Variants in RCOR3 observed in about 807,000 individuals in gnomAD.
The protein encoded by RCOR3 is REST corepressor 3.
In RCOR3, 13 loss-of-function variants were observed where a neutral mutation model predicts 64.1. The observed-to-expected ratio is 0.20, with a 90% CI of 0.13 to 0.32. The LOEUF (loss-of-function observed/expected upper bound fraction) is 0.32, where lower values mean the gene tolerates loss of function less well. Among genes scored for constraint, RCOR3 ranks in the 10% least tolerant of loss-of-function variants. The pLI, the probability that RCOR3 is intolerant of heterozygous loss-of-function variation, is 1.00. For missense variants in RCOR3, 489 were observed against 701.2 expected (o/e 0.70, Z 3.42); for synonymous variants, 215 against 239.0 (o/e 0.90, Z 0.93).
rs1424436445 is a variant in RCOR3 at position 211,312,499 on chromosome 1, A to G, written c.1076-221A>G. The G allele has an allele frequency of 3.1e-6, 2 of 645,550 alleles. No homozygotes were observed. Among genetic ancestry groups the G allele is most frequent in the Admixed American group, 2.1e-5 (1 of 47,418 alleles). 40.0% of individuals were successfully genotyped at this position (645,550 alleles called of 1,614,324 possible). On this transcript the variant is annotated intron_variant, in intron 10 of 11. Coordinates refer to ENST00000419091, the MANE Select transcript of RCOR3 (RefSeq NM_001136223.3). This position sits in a 1 kb window ranked among gnomAD's most constrained non-coding sequence, Gnocchi z 5.0. Reference sequence around the variant, plus strand: ...GTATGTAAAAAATGGTAAGTTTCTGATTGTTCAGTTGAAGGCAAGTGGCTG... The same window carrying G: ...GTATGTAAAAAATGGTAAGTTTCTGGTTGTTCAGTTGAAGGCAAGTGGCTG...
At chr1:211,280,217 A>G (rs1488507079) in intron 7 of RCOR3, among the ~76,000 whole-genome samples, 1 of 152,108 alleles carries the variant, frequency 6.6e-6, no homozygotes, top group African/African-American at 2.4e-5. Flanking sequence ...CACCCCTAAA[A>G]ACACTTGGCA....
intron 2 of RCOR3, chr1:211,267,810 C>T (rs1392251679): frequency 2.9e-6 from 1 of 348,958 alleles, no homozygotes; most frequent in Non-Finnish European, 5.6e-6. Context: ...CCAGGCTGGT[C>T]TCAAACTCCG....
At chr1:211,301,764 T>C (rs1364785697) in intron 9 of RCOR3, 1 of 152,214 alleles carries the variant, frequency 6.6e-6, no homozygotes, top group Non-Finnish European at 1.5e-5. Context: ...TAAAGTTATT[T>C]GTATTCATTC....
intron 4 of RCOR3, 40 bp from the exon 5 acceptor site, chr1:211,276,216 TA>T: frequency 6.3e-7 from 1 of 1,581,716 alleles, no homozygotes; most frequent in Non-Finnish European, 8.6e-7. Context: ...TGATGGAACA[TA>T]AGTCCATTAA....
At chr1:211,283,769 A>G (rs1254094108) in intron 7 of RCOR3, among the ~76,000 whole-genome samples, 1 of 150,772 alleles carries the variant, frequency 6.6e-6, no homozygotes. Flanking sequence ...TCATGCTCCC[A>G]AGTAGCTGGG....
intron 7 of RCOR3, among the ~76,000 whole-genome samples, chr1:211,282,303 A>G (rs1035923871): frequency 1.3e-5 from 2 of 152,226 alleles, no homozygotes; most frequent in African/African-American, 4.8e-5. Context: ...GATACCAGGC[A>G]GGGAAAGAAA....
At chr1:211,300,356 C>G (rs1023271826) in intron 9 of RCOR3, among the ~76,000 whole-genome samples, 4 of 152,154 alleles carry the variant, frequency 2.6e-5, no homozygotes, top group Non-Finnish European at 4.4e-5. Context: ...AGGTGTGAGC[C>G]ACCACGTTCA....
At chr1:211,271,147 G>A (rs574430204) in intron 2 of RCOR3, 85 bp from the exon 3 acceptor site, 31 of 1,225,618 alleles carry the variant, frequency 2.5e-5, no homozygotes, top group African/African-American at 2.4e-4. Flanking sequence ...ATGAGCCACC[G>A]TGCCTGGGCA....
At chr1:211,305,560 A>G (rs1700771174) in intron 10 of RCOR3, among the ~76,000 whole-genome samples, 1 of 152,136 alleles carries the variant, frequency 6.6e-6, no homozygotes, top group Non-Finnish European at 1.5e-5. Flanking sequence ...TAAAAACTGA[A>G]CCCTGATTTC....
At chr1:211,294,770 T>C (rs1384267116) in intron 8 of RCOR3, among the ~76,000 whole-genome samples, 1 of 152,066 alleles carries the variant, frequency 6.6e-6, no homozygotes, top group East Asian at 1.9e-4. Flanking sequence ...TTTGTATTTT[T>C]AGTAGAGACG....
chr1:211,278,865 A>G (rs1697374768), intron 6 of RCOR3, among the ~76,000 whole-genome samples: 1 of 152,148 alleles, frequency 6.6e-6, no homozygotes, highest in Non-Finnish European at 1.5e-5. Flanking sequence ...TATATATTAC[A>G]GTTTGATAAG....
chr1:211,304,000 T>A lies in RCOR3; in HGVS notation c.1018-83T>A. On this transcript the variant is annotated intron_variant, in intron 9 of 11. Transcript: ENST00000419091. ...GTTGTAGTAATCTCATGTCTGTGATTTGATGAAAATTTAAAAAAATAAGCG... is the reference window on the plus strand; with the variant it reads ...GTTGTAGTAATCTCATGTCTGTGATATGATGAAAATTTAAAAAAATAAGCG... 4 of 819,496 alleles carry A rather than the reference T, an allele frequency of 4.9e-6. No homozygotes were observed. In the South Asian group the frequency reaches 7.3e-5, roughly 15 times the overall value. The allele number at this position is 819,496 out of a possible 1,614,324, so 50.8% of individuals were successfully genotyped here.
chr1:211,259,565 C>A lies in RCOR3; in HGVS notation c.5C>A (p.Pro2His). 6.5e-7 allele frequency: 1 copy of A among 1,548,006 alleles called. No homozygotes were observed. The highest frequency in any genetic ancestry group is 1.2e-5 in the South Asian group (1 of 84,008). M[P>H]GMMEKGPELL... ...TTCCCCCTCCCCTGTTCTACCATGCCCGGCATGATGGAGAAAGGGCCCGAG... is the reference window on the plus strand; with the variant it reads ...TTCCCCCTCCCCTGTTCTACCATGCACGGCATGATGGAGAAAGGGCCCGAG... Residue 2 changes from proline to histidine, a missense_variant, in exon 1 of 12, where the codon CCC becomes CAC. Coordinates refer to ENST00000419091, the MANE Select transcript of RCOR3 (RefSeq NM_001136223.3).
At chr1:211,287,799 T>C (rs2102561257) in intron 7 of RCOR3, among the ~76,000 whole-genome samples, 1 of 152,194 alleles carries the variant, frequency 6.6e-6, no homozygotes, top group African/African-American at 2.4e-5. Flanking sequence ...GAGAATTGCT[T>C]GAGCCCAGGT....
chr1:211,279,608 T>C (rs142335652), intron 7 of RCOR3, among the ~76,000 whole-genome samples: 73 of 152,348 alleles, frequency 4.8e-4, no homozygotes, highest in African/African-American at 1.7e-3. Flanking sequence ...CCCAATGCCA[T>C]GGGCCATTCA....
At chr1:211,262,733 GT>G (rs1694534378) in intron 2 of RCOR3, among the ~76,000 whole-genome samples, 1 of 150,624 alleles carries the variant, frequency 6.6e-6, no homozygotes, top group Non-Finnish European at 1.5e-5. Flanking sequence ...CATCTTTTTT[GT>G]TTCAGGATAA....
chr1:211,308,688 T>TG (rs1558111686), intron 10 of RCOR3, among the ~76,000 whole-genome samples: 15 of 63,054 alleles, frequency 2.4e-4, no homozygotes, highest in African/African-American at 8.2e-4. Flanking sequence ...TTTTTTGTTT[T>TG]TTTTTTTTTT....
In RCOR3 at chr1:211,312,418, T is replaced by C. The variant is rs1236195664; in HGVS notation, c.1076-302T>C. The C allele has an allele frequency of 1.9e-6, 1 of 516,350 alleles. No homozygotes were observed. Among genetic ancestry groups the C allele is most frequent in the Non-Finnish European group, 3.8e-6 (1 of 266,334 alleles). 32.0% of individuals were successfully genotyped at this position (516,350 alleles called of 1,614,324 possible). The stretch of plus-strand genomic sequence containing the variant: ...AGGATGGAACAAAGAATTCAATGCT[T>C]TACAATAAATGGACTGTATTTGAGA... On this transcript the variant is annotated intron_variant, in intron 10 of 11. Transcript: ENST00000419091. This position sits in a 1 kb window ranked among gnomAD's most constrained non-coding sequence, Gnocchi z 5.0.
intron 2 of RCOR3, chr1:211,268,014 A>T (rs1382578476): frequency 3.5e-6 from 1 of 283,676 alleles, no homozygotes; most frequent in East Asian, 1.5e-4. Context: ...ATGCAGGGAA[A>T]TTATGTTTAA....
Sources: gnomAD v4.1 joint callset for allele counts (sites outside exome capture counted in the v4.1 genomes callset) on GRCh38, gnomAD v4.1.1 for gene constraint, Gnocchi (gnomAD v3.1) non-coding constraint, MANE v1.5 for transcripts, NCBI Gene and HGNC (gene_info 2026-07-23, HGNC 2026-07-21) for gene names.